Variants in MAGI2 observed in about 807,000 individuals in gnomAD.
MAGI2 encodes the protein membrane associated guanylate kinase, WW and PDZ domain containing 2.
Under a neutral mutation model 133.3 loss-of-function variants are expected in MAGI2, and 35 were observed. The observed-to-expected ratio is 0.26, with a 90% CI of 0.20 to 0.35. The LOEUF (loss-of-function observed/expected upper bound fraction) is 0.35. Among genes scored for constraint, MAGI2 ranks in the 10% least tolerant of loss-of-function variants. The probability of loss-of-function intolerance (pLI) is 1.00; values close to 1 mark genes in which losing one functional copy is unlikely to be tolerated. For synonymous variants in MAGI2, 729 were observed against 710.6 expected (o/e 1.03, Z -0.41); for missense variants, 1,636 against 1,863.4 (o/e 0.88, Z 2.25).
chr7:78,023,386 C>T (rs1808605732), intron 21 of MAGI2, among the ~76,000 whole-genome samples: 2 of 152,198 alleles, frequency 1.3e-5, no homozygotes, highest in African/African-American at 4.8e-5. Flanking sequence ...TTCCCTCCTT[C>T]CTTCCTTGCC....
At chr7:79,107,109 A>C (rs1304649535) in intron 1 of MAGI2, among the ~76,000 whole-genome samples, 1 of 152,224 alleles carries the variant, frequency 6.6e-6, no homozygotes, top group Non-Finnish European at 1.5e-5. Flanking sequence ...TACAGATCCC[A>C]AAATAAAGAG....
At chr7:78,242,487 A>T (rs370357250) in intron 10 of MAGI2, among the ~76,000 whole-genome samples, 1 of 152,242 alleles carries the variant, frequency 6.6e-6, no homozygotes, top group East Asian at 1.9e-4. Flanking sequence ...CATGTCATTC[A>T]CAACTCATGC....
chr7:78,211,938 G>A (rs1320973157), intron 10 of MAGI2, among the ~76,000 whole-genome samples: 2 of 152,128 alleles, frequency 1.3e-5, no homozygotes, highest in Non-Finnish European at 2.9e-5. Context: ...CCTGATCCTG[G>A]TTAGGTGAGA....
intron 1 of MAGI2, among the ~76,000 whole-genome samples, chr7:79,263,018 A>G (rs1224854317): frequency 2.6e-5 from 4 of 152,142 alleles, no homozygotes; most frequent in Non-Finnish European, 1.5e-5. Context: ...TGCTTGGCTT[A>G]TATATCATCA....
chr7:79,172,954 T>G (rs544260050), intron 1 of MAGI2: 2 of 152,092 alleles, frequency 1.3e-5, no homozygotes, highest in African/African-American at 4.8e-5. Flanking sequence ...AAGATAATAC[T>G]GCAAAGCGCT....
intron 21 of MAGI2, among the ~76,000 whole-genome samples, chr7:78,044,415 G>A (rs3807775): frequency 0.15 from 23,491 of 152,092 alleles, 2,151 homozygotes; most frequent in African/African-American, 0.26. Context: ...GGCCACCCAC[G>A]ATGGCATTAA....
At chr7:79,399,628 A>G (rs932024428) in intron 1 of MAGI2, among the ~76,000 whole-genome samples, 24 of 152,152 alleles carry the variant, frequency 1.6e-4, no homozygotes, top group African/African-American at 5.5e-4. Context: ...GGTTTTCCCA[A>G]TGTATCTTTT....
intron 1 of MAGI2, among the ~76,000 whole-genome samples, chr7:79,226,531 T>A (rs1387669281): frequency 6.6e-6 from 1 of 152,152 alleles, no homozygotes; most frequent in East Asian, 1.9e-4. Context: ...AAGCTTGGAA[T>A]TAAAATTAAA....
At position 78,744,144 on chromosome 7, in the gene MAGI2, G is replaced by A. The variant is rs141600252; in HGVS notation, c.419-116905C>T. Reference sequence around the variant, plus strand: ...AACATGAGTAGGTAAAAACAATAAAGATATATTTTCAAGAGGTCAAAAAAC... The same window carrying A: ...AACATGAGTAGGTAAAAACAATAAAAATATATTTTCAAGAGGTCAAAAAAC... On this transcript the variant is annotated intron_variant, in intron 2 of 21. Coordinates refer to ENST00000354212, the MANE Select transcript of MAGI2 (RefSeq NM_012301.4). 2.4e-4 allele frequency among the ~76,000 whole-genome samples: 36 copies of A among 152,042 alleles called. No individual in the cohort carries two copies. The East Asian group carries it at 6.9e-3, about 29-fold the overall frequency.
At chr7:78,260,562 C>T (rs1450289735) in intron 9 of MAGI2, among the ~76,000 whole-genome samples, 2 of 152,142 alleles carry the variant, frequency 1.3e-5, no homozygotes, top group Non-Finnish European at 2.9e-5. Flanking sequence ...CAAATTTTTT[C>T]TCCATAAAAA....
chr7:78,313,000 C>G (rs1798847853), intron 9 of MAGI2, among the ~76,000 whole-genome samples: 1 of 151,434 alleles, frequency 6.6e-6, no homozygotes, highest in Non-Finnish European at 1.5e-5. Context: ...TAGAATACCA[C>G]TCAGCCATAA....
At chr7:78,288,427 CTT>C (rs1796367798) in intron 9 of MAGI2, among the ~76,000 whole-genome samples, 1 of 152,126 alleles carries the variant, frequency 6.6e-6, no homozygotes, top group African/African-American at 2.4e-5. Flanking sequence ...TTACCTACAT[CTT>C]TTTTCTCAAT....
intron 1 of MAGI2, among the ~76,000 whole-genome samples, chr7:79,057,943 A>G (rs1439797850): frequency 6.8e-6 from 1 of 146,672 alleles, no homozygotes; most frequent in Admixed American, 6.8e-5. Flanking sequence ...GTTCCTGCCC[A>G]GAAAGGGGCT....
intron 4 of MAGI2, among the ~76,000 whole-genome samples, chr7:78,508,856 A>T (rs1247225932): frequency 1.3e-5 from 2 of 151,388 alleles, no homozygotes; most frequent in African/African-American, 4.9e-5. Context: ...TGCATTTCTC[A>T]GTATGCTTTT....
intron 1 of MAGI2, among the ~76,000 whole-genome samples, chr7:79,198,568 T>C (rs1032516498): frequency 1.3e-5 from 2 of 152,006 alleles, no homozygotes; most frequent in African/African-American, 4.8e-5. Flanking sequence ...TCATACTCGC[T>C]TTCTTTGCTT....
chr7:78,053,224 A>T (rs985629884), intron 21 of MAGI2, among the ~76,000 whole-genome samples: 1 of 152,258 alleles, frequency 6.6e-6, no homozygotes, highest in South Asian at 2.1e-4. Flanking sequence ...GAATGGCAGT[A>T]GGAACGTTTT....
intron 6 of MAGI2, among the ~76,000 whole-genome samples, chr7:78,398,448 G>A (rs1796559990): frequency 6.6e-6 from 1 of 151,938 alleles, no homozygotes; most frequent in African/African-American, 2.4e-5. Context: ...GTAATATCTT[G>A]GTGACCAAGA....
At chr7:78,115,235 G>A (rs765110064) in intron 20 of MAGI2, among the ~76,000 whole-genome samples, 7 of 151,992 alleles carry the variant, frequency 4.6e-5, no homozygotes, top group Non-Finnish European at 7.4e-5. Flanking sequence ...GGCTACAAAT[G>A]GAAAGTCTAA....
chr7:78,372,825 TATTTC>T (rs377605004), intron 6 of MAGI2, among the ~76,000 whole-genome samples: 4 of 152,170 alleles, frequency 2.6e-5, no homozygotes, highest in South Asian at 4.1e-4. Context: ...TCCCAAATAT[TATTTC>T]ATTTATTTAT....
Sources: allele counts gnomAD v4.1 joint callset (sites outside exome capture counted in the v4.1 genomes callset), GRCh38; gene constraint gnomAD v4.1.1; transcripts MANE v1.5; gene names NCBI Gene and HGNC (gene_info 2026-07-23, HGNC 2026-07-21).